SYT16: variants seen among roughly 807,000 people sequenced by gnomAD.
The protein encoded by SYT16 is synaptotagmin 16.
SYT16 carries 42 observed loss-of-function variants against 61.4 expected under a neutral mutation model. The observed-to-expected ratio is 0.68, with a 90% CI of 0.53 to 0.89. The LOEUF is 0.89. SYT16 is among the 40% of genes least tolerant of loss of function. The pLI, the probability that SYT16 is intolerant of heterozygous loss-of-function variation, is 0.00. For missense variants in SYT16, 804 were observed against 807.3 expected (o/e 1.00, Z 0.05); for synonymous variants, 314 against 302.3 (o/e 1.04, Z -0.40).
intron 1 of SYT16, among the ~76,000 whole-genome samples, chr14:61,815,305 C>A (rs1194747892): frequency 1.5e-4 from 23 of 152,188 alleles, no homozygotes; most frequent in Admixed American, 1.4e-3. Context: ...CCTGTCTTGT[C>A]ACCATGCAGT....
intron 1 of SYT16, among the ~76,000 whole-genome samples, chr14:61,938,495 C>T (rs2050078593): frequency 6.6e-6 from 1 of 151,952 alleles, no homozygotes; most frequent in Non-Finnish European, 1.5e-5. Context: ...GGTCCAGAGG[C>T]CTAGAAATGA....
chr14:62,035,872 T>A (rs536549931), intron 3 of SYT16, among the ~76,000 whole-genome samples: 69 of 152,300 alleles, frequency 4.5e-4, no homozygotes, highest in African/African-American at 1.4e-3. Context: ...GCTCTTAGAA[T>A]TCCTACTCCT....
intron 1 of SYT16, among the ~76,000 whole-genome samples, chr14:61,862,097 GTTATA>G (rs1279406586): frequency 6.6e-6 from 1 of 152,140 alleles, no homozygotes; most frequent in Non-Finnish European, 1.5e-5. Context: ...GTGCTTTATT[GTTATA>G]TTCTTATAGC....
intron 2 of SYT16, among the ~76,000 whole-genome samples, chr14:61,987,516 G>A (rs2052364652): frequency 1.3e-5 from 2 of 152,186 alleles, no homozygotes; most frequent in African/African-American, 4.8e-5. Context: ...TTGGACTCAA[G>A]TATTACCTGT....
chr14:62,051,175 C>T (rs1262411104), intron 3 of SYT16, among the ~76,000 whole-genome samples: 3 of 152,342 alleles, frequency 2.0e-5, no homozygotes, highest in Admixed American at 6.5e-5. Context: ...CAATGGCAGG[C>T]GCCCCTCCCC....
At chr14:62,060,181 A>G (rs1211421475) in intron 3 of SYT16, among the ~76,000 whole-genome samples, 1 of 152,088 alleles carries the variant, frequency 6.6e-6, no homozygotes, top group Non-Finnish European at 1.5e-5. Flanking sequence ...TTAAATCATT[A>G]CACTGGTTGA....
At position 61,976,871 on chromosome 14, in the gene SYT16, G is replaced by GTT. The variant is rs796298404; in HGVS notation, c.-145+6570_-145+6571dup. 4.1e-5 allele frequency among the ~76,000 whole-genome samples: 6 copies of GTT among 147,632 alleles called. No homozygotes were observed. In the South Asian group the frequency reaches 6.5e-4, roughly 16 times the overall value. On this transcript the variant is annotated intron_variant, in intron 2 of 7. Coordinates refer to ENST00000683842, the MANE Select transcript of SYT16 (RefSeq NM_001367656.1). Reference sequence around the variant, plus strand: ...CAGCTTGAATTTCTGCCCAGAAAATGTTTTTTTTTTTCTATTGCATAGTCA... The same window carrying GTT: ...CAGCTTGAATTTCTGCCCAGAAAATGTTTTTTTTTTTTTCTATTGCATAGTCA...
chr14:61,817,140 G>C (rs1470715005), intron 1 of SYT16, among the ~76,000 whole-genome samples: 2 of 152,038 alleles, frequency 1.3e-5, no homozygotes, highest in Non-Finnish European at 2.9e-5. Flanking sequence ...AATGGGGCTA[G>C]TTGCGGTGGC....
At position 62,046,096 on chromosome 14, in the gene SYT16, T is replaced by C. The variant is rs1186298483; in HGVS notation, c.524-23507T>C. Among the ~76,000 whole-genome samples the C allele has an allele frequency of 9.0e-3, 1,375 of 152,136 alleles. 18 individuals carry two copies. The highest frequency in any genetic ancestry group is 0.031 in the African/African-American group (1,306 of 41,482). On this transcript the variant is annotated intron_variant, in intron 3 of 7. Transcript: ENST00000683842. ...GTGTAAAAGTGTTCCTATTTCTCCA[T>C]ATCCTCTCCAGCACCTGTTGTTTCC...
At chr14:61,988,643 T>G (rs1346221913) in intron 2 of SYT16, among the ~76,000 whole-genome samples, 1 of 152,234 alleles carries the variant, frequency 6.6e-6, no homozygotes, top group African/African-American at 2.4e-5. Context: ...AACCCTCACT[T>G]GACTTAAGCA....
intron 1 of SYT16, among the ~76,000 whole-genome samples, chr14:61,910,521 C>T (rs1426000299): frequency 7.4e-4 from 83 of 112,326 alleles, no homozygotes; most frequent in Admixed American, 5.5e-4. Context: ...CGCCGCATCC[C>T]GCTGTTTTGT....
chr14:62,093,069 G>C (rs1249222883), intron 7 of SYT16, among the ~76,000 whole-genome samples: 1 of 151,948 alleles, frequency 6.6e-6, no homozygotes, highest in Non-Finnish European at 1.5e-5. Context: ...TGTGGGAGCA[G>C]GGAGTTTATG....
At chr14:62,024,252 C>G (rs914580086) in intron 3 of SYT16, among the ~76,000 whole-genome samples, 7 of 151,980 alleles carry the variant, frequency 4.6e-5, no homozygotes, top group African/African-American at 1.7e-4. Context: ...AATATTCAAA[C>G]TTGATAAGTG....
chr14:61,824,994 A>G (rs1247196145), intron 1 of SYT16, among the ~76,000 whole-genome samples: 1 of 152,234 alleles, frequency 6.6e-6, no homozygotes, highest in Non-Finnish European at 1.5e-5. Context: ...ATCAGTAAAT[A>G]AAACAAAAAC....
At chr14:61,854,050 TGCTTTA>T (rs1231379768) in intron 1 of SYT16, among the ~76,000 whole-genome samples, 1 of 152,168 alleles carries the variant, frequency 6.6e-6, no homozygotes, top group Non-Finnish European at 1.5e-5. Flanking sequence ...TCAGAACACT[TGCTTTA>T]GCCTATATAT....
At chr14:61,890,505 A>C (rs2048082559) in intron 1 of SYT16, among the ~76,000 whole-genome samples, 1 of 152,044 alleles carries the variant, frequency 6.6e-6, no homozygotes, top group Non-Finnish European at 1.5e-5. Context: ...TGACAAAAAA[A>C]AAAAAAAACA....
chr14:62,047,599 T>C (rs1280944505), intron 3 of SYT16, among the ~76,000 whole-genome samples: 2 of 152,184 alleles, frequency 1.3e-5, no homozygotes, highest in East Asian at 1.9e-4. Context: ...CAGTATGATA[T>C]TGGCTGTGGG....
At chr14:62,039,970 T>A (rs1332351296) in intron 3 of SYT16, among the ~76,000 whole-genome samples, 1 of 151,912 alleles carries the variant, frequency 6.6e-6, no homozygotes, top group East Asian at 1.9e-4. Context: ...AAGAATGATT[T>A]GCTCCAGTTC....
chr14:61,866,611 TTA>T (rs1043525527), intron 1 of SYT16, among the ~76,000 whole-genome samples: 12 of 152,224 alleles, frequency 7.9e-5, no homozygotes, highest in Admixed American at 2.0e-4. Context: ...CATTTAAAAA[TTA>T]TGTTTGTCTT....
Sources: allele counts gnomAD v4.1 joint callset (sites outside exome capture counted in the v4.1 genomes callset), GRCh38; gene constraint gnomAD v4.1.1; transcripts MANE v1.5; gene names NCBI Gene and HGNC (gene_info 2026-07-23, HGNC 2026-07-21).